Variants in KLC1 observed in about 807,000 individuals in gnomAD.
The protein encoded by KLC1 is kinesin 2 60/70kDa.
KLC1 carries 30 observed loss-of-function variants against 84.2 expected under a neutral mutation model. That is an observed-to-expected ratio of 0.36 (90% confidence interval 0.27 to 0.48). KLC1 has a LOEUF of 0.48. Ranked by LOEUF, KLC1 falls within the 20% of genes least tolerant of loss-of-function variation. The pLI is 0.99. For synonymous variants in KLC1, 289 were observed against 293.3 expected, an observed-to-expected ratio of 0.99 and a Z score of 0.15; for missense variants, 499 against 805.4, an observed-to-expected ratio of 0.62 and a Z score of 4.60.
chr14:103,694,388 A>T lies in KLC1; in HGVS notation c.1848+1963A>T. 3.1e-6 allele frequency: 3 copies of T among 955,254 alleles called. No homozygotes were observed. The highest frequency in any genetic ancestry group is 3.7e-6 in the Non-Finnish European group (3 of 802,904). The allele number at this position is 955,254 out of a possible 1,614,324, so 59.2% of individuals were successfully genotyped here. On this transcript the variant is annotated intron_variant, in intron 15 of 16. Coordinates refer to ENST00000334553, the MANE Select transcript of KLC1 (RefSeq NM_001394837.1). This position sits in a 1 kb window ranked among gnomAD's most constrained non-coding sequence, Gnocchi z 4.5. ...TGCCTCAGCCTCCCGAGTAGCTGGGACTACAGGCACCCGCCAGGCGGATCA... is the reference window on the plus strand; with the variant it reads ...TGCCTCAGCCTCCCGAGTAGCTGGGTCTACAGGCACCCGCCAGGCGGATCA...
At chr14:103,635,347 T>C (rs2076969130) in intron 1 of KLC1, among the ~76,000 whole-genome samples, 1 of 152,206 alleles carries the variant, frequency 6.6e-6, no homozygotes, top group Admixed American at 6.6e-5. Context: ...CTGTAAACCC[T>C]GCGGATGTCA....
intron 13 of KLC1, chr14:103,685,712 A>G: frequency 7.8e-7 from 1 of 1,289,330 alleles, no homozygotes; most frequent in Admixed American, 2.3e-5. Context: ...TTCTCTCTCC[A>G]GTGCTGCCCG....
chr14:103,629,697 G>A (rs1595170033), intron 1 of KLC1, among the ~76,000 whole-genome samples: 1 of 151,972 alleles, frequency 6.6e-6, no homozygotes, highest in African/African-American at 2.4e-5. Context: ...CCCCTTCCAG[G>A]TTCAGGTCGG....
At chr14:103,680,249 C>G (rs1297391984) in intron 13 of KLC1, among the ~76,000 whole-genome samples, 3 of 148,638 alleles carry the variant, frequency 2.0e-5, no homozygotes, top group African/African-American at 7.4e-5. Context: ...GACATTTTTT[C>G]TCCAGTGAAT....
chr14:103,674,105 A>G (rs555942856), intron 9 of KLC1, among the ~76,000 whole-genome samples: 1 of 152,312 alleles, frequency 6.6e-6, no homozygotes, highest in South Asian at 2.1e-4. Flanking sequence ...CTCATTGCAG[A>G]GACCTACCCA....
rs11294847 is a variant in KLC1, at chr14:103,680,274, A to ATT, written c.1650+745_1650+746dup. ...CTCCAGTGAATTTTTTAGCACATGGATTTTTTTTTTTTTTTTTGATACATA... is the reference window on the plus strand; with the variant it reads ...CTCCAGTGAATTTTTTAGCACATGGATTTTTTTTTTTTTTTTTTTGATACATA... On this transcript the variant is annotated intron_variant, in intron 13 of 16. Transcript: ENST00000334553. Among the ~76,000 whole-genome samples the ATT allele has an allele frequency of 1.0e-3, 144 of 140,128 alleles. 1 individual carries two copies. The highest frequency in any genetic ancestry group is 3.6e-3 in the African/African-American group (137 of 38,366). 91.9% of individuals were successfully genotyped at this position (140,128 alleles called of 152,430 possible).
chr14:103,701,067 C>A, intron 16 of KLC1, 134 bp from the exon 17 acceptor site: 3 of 1,131,274 alleles, frequency 2.7e-6, no homozygotes, highest in Admixed American at 2.1e-5. Flanking sequence ...CCCAGGGAGG[C>A]TCACAACCAG....
chr14:103,651,251 GC>G (rs2078415489), intron 1 of KLC1, among the ~76,000 whole-genome samples: 1 of 152,044 alleles, frequency 6.6e-6, no homozygotes, highest in South Asian at 2.1e-4. Context: ...CTCGTGATCC[GC>G]CAGCCTCGGC....
At chr14:103,655,651 C>T (rs978070499) in intron 2 of KLC1, among the ~76,000 whole-genome samples, 1 of 151,830 alleles carries the variant, frequency 6.6e-6, no homozygotes. Context: ...TCTCGCCGCC[C>T]AGGCTGGAGT....
chr14:103,699,161 C>A, intron 15 of KLC1: 1 of 1,568,412 alleles, frequency 6.4e-7, no homozygotes, highest in East Asian at 2.3e-5. Context: ...GCGCCCTGCT[C>A]CTCCATGGCC....
chr14:103,701,526 T>G lies in KLC1; in HGVS notation c.*327T>G. On this transcript the variant is annotated 3_prime_UTR_variant, in exon 17 of 17. Coordinates refer to ENST00000334553, the MANE Select transcript of KLC1 (RefSeq NM_001394837.1). The stretch of plus-strand genomic sequence containing the variant: ...TATTTTATTGTACATTTTTTTAAAT[T>G]AAAAGTTTATATGCCTTATGCTTTA... 1 of 349,792 alleles carries G rather than the reference T, an allele frequency of 2.9e-6. No homozygotes were observed. The highest frequency in any genetic ancestry group is 5.2e-6 in the Non-Finnish European group (1 of 192,666). 21.7% of individuals were successfully genotyped at this position (349,792 alleles called of 1,614,324 possible).
In KLC1 at chr14:103,664,819, CTTTT is replaced by C. The variant is rs34967823; in HGVS notation, c.797+1913_797+1916del. ...CGTGAACCACTGCACTTGGCCAAGGCTTTTTTTTTTTTTTTTTTTTTTTTAAACT... is the reference window on the plus strand; with the variant it reads ...CGTGAACCACTGCACTTGGCCAAGGCTTTTTTTTTTTTTTTTTTTTAAACT... On this transcript the variant is annotated intron_variant, in intron 5 of 16. Transcript: ENST00000334553. Among the ~76,000 whole-genome samples, 91 of 101,974 alleles carry C rather than the reference CTTTT, an allele frequency of 8.9e-4. 3 individuals carry two copies. In the East Asian group the frequency reaches 0.022, roughly 24 times the overall value. 66.9% of individuals were successfully genotyped at this position (101,974 alleles called of 152,430 possible).
At chr14:103,654,463 C>A in intron 1 of KLC1, 101 bp from the exon 2 acceptor site, 1 of 824,044 alleles carries the variant, frequency 1.2e-6, no homozygotes, top group African/African-American at 1.7e-5. Flanking sequence ...ATTTATTATT[C>A]CCCTATAAAA....
intron 1 of KLC1, among the ~76,000 whole-genome samples, chr14:103,634,632 A>G (rs561822910): frequency 6.6e-6 from 1 of 152,202 alleles, no homozygotes; most frequent in African/African-American, 2.4e-5. Flanking sequence ...CCAAGAGAAG[A>G]GGAGGGAGGA....
intron 1 of KLC1, among the ~76,000 whole-genome samples, chr14:103,631,656 G>A (rs1286814811): frequency 6.6e-6 from 1 of 152,030 alleles, no homozygotes; most frequent in Non-Finnish European, 1.5e-5. Flanking sequence ...AGAGTGCAGT[G>A]GTGTGATCCC....
chr14:103,689,131 A>G (rs996885829), intron 14 of KLC1, among the ~76,000 whole-genome samples: 2 of 152,182 alleles, frequency 1.3e-5, no homozygotes, highest in African/African-American at 4.8e-5. Flanking sequence ...CAGGAATTAC[A>G]TGATGCCCAG....
At chr14:103,647,033 G>C (rs549761872) in intron 1 of KLC1, among the ~76,000 whole-genome samples, 3 of 151,948 alleles carry the variant, frequency 2.0e-5, no homozygotes, top group Admixed American at 6.6e-5. Context: ...TAGAACTTTC[G>C]TTGTAGTCTG....
At chr14:103,647,567 G>C (rs2078043856) in intron 1 of KLC1, among the ~76,000 whole-genome samples, 1 of 151,942 alleles carries the variant, frequency 6.6e-6, no homozygotes, top group Non-Finnish European at 1.5e-5. Context: ...ATTTCCAAAA[G>C]GCAGGTAAGC....
rs759515423 is a variant in KLC1, at chr14:103,657,608, G to A, written c.324G>A (p.Ala108=). 10 of 1,614,062 alleles carry A rather than the reference G, an allele frequency of 6.2e-6. No homozygotes were observed. Among genetic ancestry groups the A allele is most frequent in the South Asian group, 1.1e-5 (1 of 91,088 alleles). ...AVESEKQKLR[A]QVRRLCQENQ... ...AGTCCGAGAAGCAGAAACTGCGTGC[G>A]CAGGTTCGTCGTCTGTGCCAGGAGA... Residue 108 remains alanine, a synonymous_variant, in exon 3 of 17, where the codon GCG becomes GCA. Coordinates refer to ENST00000334553, the MANE Select transcript of KLC1 (RefSeq NM_001394837.1).
Sources: allele counts gnomAD v4.1 joint callset (sites outside exome capture counted in the v4.1 genomes callset), GRCh38; gene constraint gnomAD v4.1.1; non-coding constraint Gnocchi (gnomAD v3.1); transcripts MANE v1.5; gene names NCBI Gene and HGNC (gene_info 2026-07-23, HGNC 2026-07-21).